The following TUSC3 variants were observed in gnomAD, a reference collection of about 807,000 sequenced individuals.
TUSC3 encodes the protein tumor suppressor candidate 3.
TUSC3 carries 45 observed loss-of-function variants against 44.8 expected under a neutral mutation model. The ratio of observed to expected loss-of-function variants is 1.00; its 90% CI spans 0.79 to 1.29. The LOEUF is 1.29. Among genes scored for constraint, TUSC3 ranks in the 50% most tolerant of loss-of-function variants. TUSC3 has a pLI of 0.00. For missense variants in TUSC3, 519 were observed against 437.9 expected (o/e 1.19, Z -1.65); for synonymous variants, 212 against 152.9 (o/e 1.39, Z -2.85).
At chr8:15,496,152 G>A (rs562414537) in intron 2 of TUSC3, among the ~76,000 whole-genome samples, 12 of 152,176 alleles carry the variant, frequency 7.9e-5, no homozygotes, top group African/African-American at 2.6e-4. Flanking sequence ...TGTTCTATAC[G>A]TCCTTGATAA....
chr8:15,646,101 C>G (rs1585188295), intron 2 of TUSC3, among the ~76,000 whole-genome samples: 1 of 152,200 alleles, frequency 6.6e-6, no homozygotes, highest in East Asian at 1.9e-4. Context: ...TACACAGTCG[C>G]TGAGAATTTC....
At chr8:15,695,563 A>G (rs546001396) in intron 6 of TUSC3, among the ~76,000 whole-genome samples, 2 of 152,228 alleles carry the variant, frequency 1.3e-5, no homozygotes, top group Non-Finnish European at 2.9e-5. Context: ...AAGCTACCCA[A>G]AAATGTGGAA....
At chr8:15,417,724 T>G (rs1418043298) in intron 1 of TUSC3, among the ~76,000 whole-genome samples, 1 of 152,174 alleles carries the variant, frequency 6.6e-6, no homozygotes, top group Admixed American at 6.5e-5. Flanking sequence ...TTCAAAGAGA[T>G]AGTATGCACA....
At chr8:15,640,948 G>A (rs1339016647) in intron 2 of TUSC3, among the ~76,000 whole-genome samples, 6 of 152,104 alleles carry the variant, frequency 3.9e-5, no homozygotes, top group Admixed American at 6.5e-5. Context: ...AGTTATACAC[G>A]AAGACTAGGA....
At chr8:15,573,644 C>G (rs953327837) in intron 1 of TUSC3, among the ~76,000 whole-genome samples, 1 of 151,928 alleles carries the variant, frequency 6.6e-6, no homozygotes, top group South Asian at 2.1e-4. Flanking sequence ...TGTTTATGAA[C>G]CCTCAGACTT....
intron 1 of TUSC3, among the ~76,000 whole-genome samples, chr8:15,464,189 G>C (rs563773158): frequency 1.4e-4 from 21 of 152,278 alleles, no homozygotes; most frequent in Admixed American, 3.3e-4. Flanking sequence ...TTTAACTAGA[G>C]TGTGTTTCAA....
At chr8:15,600,034 C>G (rs917460614) in intron 1 of TUSC3, among the ~76,000 whole-genome samples, 9 of 151,694 alleles carry the variant, frequency 5.9e-5, no homozygotes, top group African/African-American at 2.2e-4. Flanking sequence ...CTTTAGTAAT[C>G]TGTGTACCTT....
chr8:15,510,773 T>TA (rs111851923), intron 2 of TUSC3, among the ~76,000 whole-genome samples: 57,856 of 150,582 alleles, frequency 0.38, 13,492 homozygotes, highest in Non-Finnish European at 0.53. Context: ...AGATACTATT[T>TA]AAAAAAAAAC....
intron 3 of TUSC3, among the ~76,000 whole-genome samples, chr8:15,651,673 C>T (rs1023289239): frequency 6.6e-5 from 10 of 152,186 alleles, no homozygotes; most frequent in African/African-American, 2.4e-4. Flanking sequence ...CGGCACCTTC[C>T]TCTTGGACTT....
chr8:15,459,635 C>A (rs559693451), intron 1 of TUSC3, among the ~76,000 whole-genome samples: 3 of 151,996 alleles, frequency 2.0e-5, no homozygotes, highest in Non-Finnish European at 4.4e-5. Context: ...CCCTTCTCTG[C>A]GAGTCTCCAA....
At chr8:15,750,610 G>A (rs1833442) in intron 9 of TUSC3, among the ~76,000 whole-genome samples, 45,304 of 151,266 alleles carry the variant, frequency 0.3, 7,088 homozygotes, top group Admixed American at 0.41. Context: ...TGTTTTTAAC[G>A]GAGGCTGGAC....
chr8:15,536,458 G>C (rs937916248), upstream of TUSC3, among the ~76,000 whole-genome samples: 1 of 151,870 alleles, frequency 6.6e-6, no homozygotes, highest in Non-Finnish European at 1.5e-5. Flanking sequence ...GAGGTGGGTG[G>C]ATCACCTGAG....
chr8:15,595,890 C>G (rs905871697), intron 1 of TUSC3, among the ~76,000 whole-genome samples: 7 of 152,156 alleles, frequency 4.6e-5, no homozygotes, highest in African/African-American at 1.7e-4. Context: ...AAGTGACAGT[C>G]TTCATAAGGT....
At chr8:15,513,132 C>T (rs541813428) in intron 2 of TUSC3, among the ~76,000 whole-genome samples, 4 of 151,252 alleles carry the variant, frequency 2.6e-5, no homozygotes, top group African/African-American at 9.7e-5. Flanking sequence ...ATGAAAATAA[C>T]TCACAAATGA....
the TUSC3 span, among the ~76,000 whole-genome samples, chr8:15,818,035 A>T: frequency 6.6e-6 from 1 of 152,340 alleles, no homozygotes; most frequent in African/African-American, 2.4e-5. Flanking sequence ...AACAAGTAGC[A>T]GTCAAGATGA....
chr8:15,727,760 A>G (rs1407064508), intron 6 of TUSC3, among the ~76,000 whole-genome samples: 1 of 152,246 alleles, frequency 6.6e-6, no homozygotes, highest in Non-Finnish European at 1.5e-5. Context: ...AGTGAACAAG[A>G]TACAAAGTTT....
intron 6 of TUSC3, among the ~76,000 whole-genome samples, chr8:15,694,362 A>G (rs1809057399): frequency 6.7e-6 from 1 of 149,630 alleles, no homozygotes; most frequent in African/African-American, 2.5e-5. Flanking sequence ...AAATCACTTG[A>G]ACCTGGGAGG....
intron 1 of TUSC3, among the ~76,000 whole-genome samples, chr8:15,461,106 G>A (rs946037152): frequency 6.6e-6 from 1 of 152,114 alleles, no homozygotes; most frequent in Non-Finnish European, 1.5e-5. Context: ...TGAATGTGTA[G>A]ATTGCCTTTG....
chr8:15,495,917 T>A (rs559842719), intron 2 of TUSC3, among the ~76,000 whole-genome samples: 2 of 152,306 alleles, frequency 1.3e-5, no homozygotes, highest in Admixed American at 1.3e-4. Flanking sequence ...CTATACACTA[T>A]TTAAATTTGC....
Sources: gnomAD v4.1 joint callset for allele counts (sites outside exome capture counted in the v4.1 genomes callset) on GRCh38, gnomAD v4.1.1 for gene constraint, MANE v1.5 for transcripts, NCBI Gene and HGNC (gene_info 2026-07-23, HGNC 2026-07-21) for gene names.